CEP20: variants seen among roughly 807,000 people sequenced by gnomAD.
CEP20 encodes the protein centrosomal protein 20.
A neutral mutation model predicts 20.0 loss-of-function variants in CEP20; 18 were observed. The observed-to-expected ratio is 0.90, with a 90% CI of 0.62 to 1.34. The LOEUF (loss-of-function observed/expected upper bound fraction) is 1.34, where lower values mean the gene tolerates loss of function less well. Ranked by LOEUF, CEP20 falls within the 40% of genes most tolerant of loss-of-function variation. The probability of loss-of-function intolerance (pLI) is 0.00; values close to 1 mark genes in which losing one functional copy is unlikely to be tolerated. For synonymous variants in CEP20, 77 were observed against 73.7 expected, an observed-to-expected ratio of 1.04 and a Z score of -0.23; for missense variants, 215 against 201.6, an observed-to-expected ratio of 1.07 and a Z score of -0.40.
In CEP20 at chr16:15,884,012, T is replaced by C. The variant is rs1429641371; in HGVS notation, c.222A>G (p.Ile74Met). The change falls in exon 2 of 5, where the codon ATA (isoleucine) becomes ATG (methionine). Residue 74 changes from isoleucine (I) to methionine (M), a missense_variant. Transcript: ENST00000255759. The stretch of plus-strand genomic sequence containing the variant: ...TGATAAATAATAACCACTTACCTGC[T>C]ATGAGGACAGATGCTGTATACTTAT... ...NKYKYTASVL[I>M]AESGQPVVPL... The C allele has an allele frequency of 6.2e-7, 1 of 1,609,874 alleles. No homozygotes were observed.
At position 15,876,273 on chromosome 16, in the gene CEP20, C is replaced by T. The variant is rs187108037; in HGVS notation, c.312-2646G>A. Among the ~76,000 whole-genome samples, 33 of 150,920 alleles carry T rather than the reference C, an allele frequency of 2.2e-4. No individual in the cohort carries two copies. In the East Asian group the frequency reaches 5.7e-3, roughly 26 times the overall value. ...CAGGAGGATCATGAGGTCAGGAGATCGAGACCATCCTGGCTAACACGGTGA... is the reference window on the plus strand; with the variant it reads ...CAGGAGGATCATGAGGTCAGGAGATTGAGACCATCCTGGCTAACACGGTGA... On this transcript the variant is annotated intron_variant, in intron 3 of 4. Coordinates refer to ENST00000255759, the MANE Select transcript of CEP20 (RefSeq NM_144600.4).
intron 4 of CEP20, among the ~76,000 whole-genome samples, chr16:15,871,366 G>C (rs2044813905): frequency 8.3e-6 from 1 of 120,946 alleles, no homozygotes; most frequent in Non-Finnish European, 1.9e-5. Flanking sequence ...TAAAAAGGGA[G>C]AAGAATTGAG....
In CEP20 at chr16:15,876,470, GTC is replaced by G. The variant is rs1204894200; in HGVS notation, c.312-2845_312-2844del. On this transcript the variant is annotated intron_variant, in intron 3 of 4. Coordinates refer to ENST00000255759, the MANE Select transcript of CEP20 (RefSeq NM_144600.4). ...AGCCTGGACGACAGAGTGAGACTCT[GTC>G]TCGAAAAAAAAAAAAAGAACTCTCG... is the stretch of plus-strand genomic sequence containing the variant. Among the ~76,000 whole-genome samples the G allele has an allele frequency of 4.7e-5, 7 of 148,986 alleles. No individual in the cohort carries two copies. In the Admixed American group the frequency reaches 4.7e-4, roughly 10 times the overall value.
chr16:15,873,059 T>C (rs2044858320), intron 4 of CEP20, among the ~76,000 whole-genome samples: 1 of 151,802 alleles, frequency 6.6e-6, no homozygotes, highest in Non-Finnish European at 1.5e-5. Flanking sequence ...TACATGAAAA[T>C]TGGAGTTTTC....
Position 15,873,615 on chromosome 16 carries a change from A to C in CEP20, c.324T>G (p.Tyr108Ter). 1 of 1,613,756 alleles carries C rather than the reference A, an allele frequency of 6.2e-7. No individual in the cohort carries two copies. Among genetic ancestry groups the C allele is most frequent in the Middle Eastern group, 1.7e-4 (1 of 6,060 alleles). Residue 108 changes from tyrosine to a stop codon, truncating the protein, a stop_gained, in exon 4 of 5, where the codon TAT (tyrosine) becomes TAG (stop). Coordinates refer to ENST00000255759, the MANE Select transcript of CEP20 (RefSeq NM_144600.4). LOFTEE classifies it high-confidence loss of function. ...CACGCAAGAAATGGGCTAAAATCCCATATAAAAGAGGTCTATAGCAGGAAG... is the reference window on the plus strand; with the variant it reads ...CACGCAAGAAATGGGCTAAAATCCCCTATAAAAGAGGTCTATAGCAGGAAG... Reference protein sequence around the residue: ...ESKDNTIPLLYGILAHFLRGT... With the variant: ...ESKDNTIPLL
intron 4 of CEP20, among the ~76,000 whole-genome samples, chr16:15,868,923 C>T (rs556086823): frequency 1.6e-4 from 24 of 152,088 alleles, no homozygotes; most frequent in African/African-American, 3.4e-4. Flanking sequence ...TAAAAATCTT[C>T]GCCAGGAATG....
chr16:15,876,387 A>C (rs1467385252), intron 3 of CEP20, among the ~76,000 whole-genome samples: 3 of 151,960 alleles, frequency 2.0e-5, no homozygotes, highest in Non-Finnish European at 2.9e-5. Flanking sequence ...AGGCAGGAGA[A>C]TCGCTTGAAC....
chr16:15,883,342 A>T (rs757418992), intron 2 of CEP20, among the ~76,000 whole-genome samples: 12 of 152,070 alleles, frequency 7.9e-5, no homozygotes, highest in Non-Finnish European at 1.2e-4. Context: ...CAGCCTTTGC[A>T]ACAGAGTGAG....
chr16:15,879,833 A>AT lies in CEP20; in HGVS notation c.281dup (p.Asn94LysfsTer4). 6.3e-7 allele frequency: 1 copy of AT among 1,576,596 alleles called. No individual in the cohort carries two copies. The highest frequency in any genetic ancestry group is 8.6e-7 in the Non-Finnish European group (1 of 1,169,260). On this transcript the variant is annotated frameshift_variant, in exon 3 of 5. Transcript: ENST00000255759. LOFTEE classifies it high-confidence loss of function. The stretch of plus-strand genomic sequence containing the variant: ...TATTATCCTTTGATTCTTCAAATGC[A>AT]TTTAGTTCATGGATGAGAAACTGTC...
rs972732292 is a variant in CEP20 at position 15,867,365 on chromosome 16, G to C, written c.*75C>G. ...TCTACAAACATTAGTGGTGCATTTT[G>C]GTAACATTGGGACAATAAATAAGTT... On this transcript the variant is annotated 3_prime_UTR_variant, in exon 5 of 5. Coordinates refer to ENST00000255759, the MANE Select transcript of CEP20 (RefSeq NM_144600.4). 4.6e-4 allele frequency: 521 copies of C among 1,121,650 alleles called. 3 individuals carry two copies. The highest frequency in any genetic ancestry group is 4.2e-4 in the Admixed American group (16 of 37,756). The allele number at this position is 1,121,650 out of a possible 1,614,324, so 69.5% of individuals were successfully genotyped here. A position where few individuals can be genotyped will look rare whatever the true frequency, so the allele number is the denominator to read the frequency against.
At chr16:15,882,545 AACAAACAT>A (rs146009722) in intron 2 of CEP20, among the ~76,000 whole-genome samples, 10,499 of 150,366 alleles carry the variant, frequency 0.07, 486 homozygotes, top group East Asian at 0.22. Context: ...CAAACAAACA[AACAAACAT>A]ACAAAAAAAC....
intron 2 of CEP20, chr16:15,882,860 G>C (rs2045140155): frequency 6.6e-6 from 1 of 150,832 alleles, no homozygotes; most frequent in African/African-American, 2.4e-5. Flanking sequence ...TTTCTTTTAA[G>C]AGACAGGAGT....
intron 4 of CEP20, among the ~76,000 whole-genome samples, chr16:15,872,638 G>A (rs1416459033): frequency 1.3e-5 from 2 of 152,198 alleles, no homozygotes; most frequent in East Asian, 3.9e-4. Context: ...GAGCCCGGCA[G>A]TTCAAGGTTA....
intron 3 of CEP20, among the ~76,000 whole-genome samples, chr16:15,877,844 C>T (rs1341904488): frequency 6.6e-6 from 1 of 151,824 alleles, no homozygotes; most frequent in Non-Finnish European, 1.5e-5. Flanking sequence ...CACTTGAGGC[C>T]AGGAGTTCGA....
In CEP20 at chr16:15,867,509, G is replaced by A. The variant is rs1448922975; in HGVS notation, c.456C>T (p.His152=). Residue 152 remains histidine (H), a synonymous_variant, in exon 5 of 5, where the codon CAC becomes CAT. Transcript: ENST00000255759. ...QPSRRKPMDD[H]LRKEEQKSTN... is the part of the protein sequence containing the mutation. ...TACTTTTCTGTTCCTCCTTTCTTAG[G>A]TGGTCATCTGAAATGCACAGAAACC... The A allele has an allele frequency of 3.1e-5, 50 of 1,602,400 alleles. No homozygotes were observed. Among genetic ancestry groups the A allele is most frequent in the Non-Finnish European group, 4.2e-5 (49 of 1,172,812 alleles).
chr16:15,881,148 G>C (rs2045088149), intron 2 of CEP20, among the ~76,000 whole-genome samples: 1 of 152,042 alleles, frequency 6.6e-6, no homozygotes, highest in Non-Finnish European at 1.5e-5. Flanking sequence ...TCTTGATTGT[G>C]ATCTGGTAGT....
intron 2 of CEP20, among the ~76,000 whole-genome samples, chr16:15,883,585 C>G (rs575432166): frequency 6.6e-6 from 1 of 152,030 alleles, no homozygotes; most frequent in Non-Finnish European, 1.5e-5. Context: ...CCAGGCTGGT[C>G]GCGAACTCCT....
intron 2 of CEP20, among the ~76,000 whole-genome samples, chr16:15,882,762 T>TACACACACA (rs1312550555): frequency 2.1e-4 from 25 of 118,780 alleles, no homozygotes; most frequent in African/African-American, 8.4e-4. Flanking sequence ...TATCTATCTA[T>TACACACACA]CTATCTATCT....
At chr16:15,876,997 C>A (rs534736427) in intron 3 of CEP20, among the ~76,000 whole-genome samples, 1 of 152,212 alleles carries the variant, frequency 6.6e-6, no homozygotes, top group East Asian at 1.9e-4. Context: ...GGACTACAGG[C>A]ATCCGCCACC....
Sources: gnomAD v4.1 joint callset for allele counts (sites outside exome capture counted in the v4.1 genomes callset) on GRCh38, gnomAD v4.1.1 for gene constraint, MANE v1.5 for transcripts, NCBI Gene and HGNC (gene_info 2026-07-23, HGNC 2026-07-21) for gene names.